CHD2: variants seen among roughly 807,000 people sequenced by gnomAD.
The protein encoded by CHD2 is chromodomain helicase DNA binding protein 2, also known as ATP-dependent chromatin remodeler CHD2.
In CHD2, 28 loss-of-function variants were observed where a neutral mutation model predicts 243.9. The ratio of observed to expected loss-of-function variants is 0.11; its 90% CI spans 0.09 to 0.16. The LOEUF (loss-of-function observed/expected upper bound fraction) is 0.16, where lower values mean the gene tolerates loss of function less well. Among genes scored for constraint, CHD2 ranks in the 10% least tolerant of loss-of-function variants. The pLI is 1.00. For missense variants in CHD2, 1,386 were observed against 2,209.8 expected (o/e 0.63, Z 7.47); for synonymous variants, 775 against 779.0 (o/e 0.99, Z 0.09).
At chr15:93,008,616 T>C (rs576238384) in intron 34 of CHD2, among the ~76,000 whole-genome samples, 1 of 152,346 alleles carries the variant, frequency 6.6e-6, no homozygotes, top group Non-Finnish European at 1.5e-5. Context: ...TGTTTTCTCT[T>C]GTCTTTGTGG....
intron 38 of CHD2, among the ~76,000 whole-genome samples, chr15:93,023,301 T>C (rs1401637533): frequency 6.6e-6 from 1 of 152,248 alleles, no homozygotes. Flanking sequence ...GTGTCTGGCT[T>C]CTTTCACTTA....
rs144343543 is a variant in CHD2, at chr15:92,906,359, G to A, written c.62+5060G>A. Reference sequence around the variant, plus strand: ...TGTAAAGATTAAGTCAGCAGAGGAAGGTGGGCAAATAATATTTTTGATAAA... The same window carrying A: ...TGTAAAGATTAAGTCAGCAGAGGAAAGTGGGCAAATAATATTTTTGATAAA... On this transcript the variant is annotated intron_variant, in intron 2 of 38. Transcript: ENST00000394196. 8.0e-3 allele frequency among the ~76,000 whole-genome samples: 1,219 copies of A among 152,316 alleles called. 54 individuals carry two copies. Among genetic ancestry groups the A allele is most frequent in the Admixed American group, 0.068 (1,046 of 15,306 alleles).
intron 37 of CHD2, among the ~76,000 whole-genome samples, chr15:93,017,208 C>G (rs1399914888): frequency 6.6e-6 from 1 of 152,212 alleles, no homozygotes; most frequent in Non-Finnish European, 1.5e-5. Context: ...CTCAGGATCA[C>G]TGATCTCTTC....
At chr15:92,977,580 G>A (rs931901913) in intron 20 of CHD2, among the ~76,000 whole-genome samples, 2 of 152,156 alleles carry the variant, frequency 1.3e-5, no homozygotes, top group African/African-American at 4.8e-5. Context: ...GCAGGCAGGT[G>A]TGCTGTGCTT....
intron 24 of CHD2, among the ~76,000 whole-genome samples, chr15:92,983,279 T>A (rs2054002319): frequency 6.6e-6 from 1 of 152,214 alleles, no homozygotes; most frequent in Non-Finnish European, 1.5e-5. Flanking sequence ...CTTGTGTAAC[T>A]CTTACTGTGT....
At position 93,026,728 on chromosome 15, in the gene CHD2, C is replaced by G. The variant is rs1388736253; in HGVS notation, c.*2023C>G. ...GAGCTTCTTGCCGATAATACTGACTCTAGCCCATGATTGCCTTGCCCAAGC... is the reference window on the plus strand; with the variant it reads ...GAGCTTCTTGCCGATAATACTGACTGTAGCCCATGATTGCCTTGCCCAAGC... On this transcript the variant is annotated 3_prime_UTR_variant, in exon 39 of 39. Transcript: ENST00000394196. The G allele has an allele frequency of 6.6e-6, 1 of 152,300 alleles. No homozygotes were observed. The highest frequency in any genetic ancestry group is 2.4e-5 in the African/African-American group (1 of 41,460). 9.4% of individuals were successfully genotyped at this position (152,300 alleles called of 1,614,324 possible).
At chr15:92,909,980 GTATATATATACACA>G (rs1215513909) in intron 2 of CHD2, among the ~76,000 whole-genome samples, 1 of 150,160 alleles carries the variant, frequency 6.7e-6, no homozygotes, top group African/African-American at 2.5e-5. Context: ...ATGTATATAT[GTATATATATACACA>G]TATATACATA....
intron 22 of CHD2, among the ~76,000 whole-genome samples, chr15:92,979,594 C>G (rs1401274456): frequency 6.6e-6 from 1 of 151,584 alleles, no homozygotes; most frequent in African/African-American, 2.4e-5. Flanking sequence ...ATAATGTCAC[C>G]TTTGACTTTT....
intron 24 of CHD2, among the ~76,000 whole-genome samples, chr15:92,983,657 T>G (rs1393784762): frequency 3.3e-5 from 5 of 152,220 alleles, no homozygotes; most frequent in Non-Finnish European, 7.3e-5. Context: ...TACACTTAGA[T>G]GGCTTTCTTT....
chr15:92,964,057 C>CT (rs2053723765), intron 16 of CHD2, among the ~76,000 whole-genome samples: 1 of 152,226 alleles, frequency 6.6e-6, no homozygotes, highest in Non-Finnish European at 1.5e-5. Context: ...TTCCACTCAG[C>CT]ATGGGCTATG....
intron 4 of CHD2, among the ~76,000 whole-genome samples, chr15:92,928,235 T>G (rs2053099184): frequency 1.3e-5 from 2 of 152,242 alleles, no homozygotes; most frequent in African/African-American, 4.8e-5. Flanking sequence ...CTGTTTTGCC[T>G]TTGCTTTTGT....
rs144579648 is a variant in CHD2, at chr15:92,938,612, G to A, written c.552-966G>A. The stretch of plus-strand genomic sequence containing the variant: ...AATAAGTTTATCTCAGAACTGTCAC[G>A]CCAGTTCTGTCTTTTAGAATTTTGC... On this transcript the variant is annotated intron_variant, in intron 6 of 38. Transcript: ENST00000394196. 1.7e-4 allele frequency among the ~76,000 whole-genome samples: 26 copies of A among 152,212 alleles called. No homozygotes were observed. In the East Asian group the frequency reaches 3.7e-3, roughly 21 times the overall value.
At chr15:92,907,977 C>T (rs1033535393) in intron 2 of CHD2, among the ~76,000 whole-genome samples, 5 of 145,330 alleles carry the variant, frequency 3.4e-5, no homozygotes, top group African/African-American at 1.3e-4. Context: ...AGCTTGGGTG[C>T]GTTTTACAGT....
At chr15:92,904,259 A>G (rs895463718) in intron 2 of CHD2, 2 of 157,854 alleles carry the variant, frequency 1.3e-5, no homozygotes, top group African/African-American at 4.8e-5. Context: ...TACTCGCCAA[A>G]CAGCAGGAAG....
chr15:92,958,864 C>T (rs566534739), intron 16 of CHD2, among the ~76,000 whole-genome samples: 4 of 152,160 alleles, frequency 2.6e-5, no homozygotes, highest in South Asian at 2.1e-4. Flanking sequence ...TCATGATAAG[C>T]GTTCTGAGCA....
At chr15:92,970,794 C>T (rs1199595710) in intron 17 of CHD2, among the ~76,000 whole-genome samples, 1 of 152,000 alleles carries the variant, frequency 6.6e-6, no homozygotes, top group African/African-American at 2.4e-5. Context: ...ATTGTTTTAC[C>T]TACTTTTATA....
chr15:92,998,760 A>G lies in CHD2; in HGVS notation c.4008+139A>G, dbSNP rs1029874287. On this transcript the variant is annotated intron_variant, in intron 31 of 38. Coordinates refer to ENST00000394196, the MANE Select transcript of CHD2 (RefSeq NM_001271.4). This position sits in a 1 kb window ranked among gnomAD's most constrained non-coding sequence, Gnocchi z 5.1. ...GGGCATATTTTGTTTTTGAGGTTCC[A>G]GTAATGATGCTTTGCTTGGTAATAA... The G allele has an allele frequency of 1.8e-6, 2 of 1,104,974 alleles. No individual in the cohort carries two copies. The highest frequency in any genetic ancestry group is 2.5e-5 in the Admixed American group (1 of 40,584). 68.4% of individuals were successfully genotyped at this position (1,104,974 alleles called of 1,614,324 possible).
At chr15:92,958,942 A>C (rs371357910) in intron 16 of CHD2, among the ~76,000 whole-genome samples, 8 of 152,232 alleles carry the variant, frequency 5.3e-5, no homozygotes, top group Admixed American at 3.3e-4. Context: ...TGATTTAACA[A>C]TGTTTTAAAC....
chr15:92,903,437 T>G (rs2052558705), intron 2 of CHD2, among the ~76,000 whole-genome samples: 2 of 152,254 alleles, frequency 1.3e-5, no homozygotes, highest in Non-Finnish European at 2.9e-5. Context: ...GAGTGCAAGT[T>G]TAGGTAAATC....
Sources: gnomAD v4.1 joint callset for allele counts (sites outside exome capture counted in the v4.1 genomes callset) on GRCh38, gnomAD v4.1.1 for gene constraint, Gnocchi (gnomAD v3.1) non-coding constraint, MANE v1.5 for transcripts, NCBI Gene and HGNC (gene_info 2026-07-23, HGNC 2026-07-21) for gene names.